Variants in MXD1 observed in about 807,000 individuals in gnomAD.
MXD1 encodes MAX-binding protein.
In MXD1, 9 loss-of-function variants were observed where a neutral mutation model predicts 25.7. That is an observed-to-expected ratio of 0.35 (90% confidence interval 0.21 to 0.61). MXD1 has a LOEUF of 0.61. Ranked by LOEUF, MXD1 falls within the 20% of genes least tolerant of loss-of-function variation. MXD1 has a pLI of 0.75. For synonymous variants in MXD1, 99 were observed against 113.9 expected, an observed-to-expected ratio of 0.87 and a Z score of 0.83; for missense variants, 227 against 292.4, an observed-to-expected ratio of 0.78 and a Z score of 1.63.
In MXD1 at chr2:69,938,958, T is replaced by G. The variant is rs1364163881; in HGVS notation, c.*674T>G. 7 of 152,638 alleles carry G rather than the reference T, an allele frequency of 4.6e-5. No individual in the cohort carries two copies. The highest frequency in any genetic ancestry group is 1.4e-4 in the African/African-American group (6 of 41,448). 9.5% of individuals were successfully genotyped at this position (152,638 alleles called of 1,614,324 possible). On this transcript the variant is annotated 3_prime_UTR_variant, in exon 6 of 6. Transcript: ENST00000264444. The stretch of plus-strand genomic sequence containing the variant: ...CATCAAAGTTCCAAATTGTTTGTTC[T>G]CACAAACAAAACGGTACAATCTATT...
chr2:69,938,585 CTT>C lies in MXD1; in HGVS notation c.*303_*304del. 1 of 282,366 alleles carries C rather than the reference CTT, an allele frequency of 3.5e-6. No individual in the cohort carries two copies. Among genetic ancestry groups the C allele is most frequent in the South Asian group, 4.6e-5 (1 of 21,680 alleles). The allele number at this position is 282,366 out of a possible 1,614,324, so 17.5% of individuals were successfully genotyped here. A position where few individuals can be genotyped will look rare whatever the true frequency, so the allele number is the denominator to read the frequency against. ...ATGTCCACATCTCAGCAATCCCCCT[CTT>C]TGCTCTCCTCGTGTCCTCTCCCAGA... On this transcript the variant is annotated 3_prime_UTR_variant, in exon 6 of 6. Transcript: ENST00000264444.
rs188548069 is a variant in MXD1, at chr2:69,916,040, A to C, written c.74-81A>C. 3.4e-4 allele frequency: 262 copies of C among 759,988 alleles called. No individual in the cohort carries two copies. The African/African-American group carries it at 3.5e-3, about 10-fold the overall frequency. The allele number at this position is 759,988 out of a possible 1,614,324, so 47.1% of individuals were successfully genotyped here. A position where few individuals can be genotyped will look rare whatever the true frequency, so the allele number is the denominator to read the frequency against. On this transcript the variant is annotated intron_variant, in intron 1 of 5. Transcript: ENST00000264444. ...ACAATATTCTTTTAAAGATAAATAA[A>C]GGAAAAAGGAAATACTGTAGAGAGG...
rs767244610 is a variant in MXD1, at chr2:69,916,175, C to A, written c.128C>A (p.Ala43Asp). The part of the protein sequence containing the change: ...MLPYNNKDRD[A>D]LKRRNKSKKN... The stretch of plus-strand genomic sequence containing the variant: ...CCATACAATAACAAGGACAGAGATG[C>A]CTTAAAACGGAGGAACAAATCCAAA... The change falls in exon 2 of 6, where the codon GCC becomes GAC. Residue 43 changes from alanine (A) to aspartate (D), a missense_variant. Ala to Asp is a moderately radical substitution (Grantham distance 126). Coordinates refer to ENST00000264444, the MANE Select transcript of MXD1 (RefSeq NM_002357.4). The A allele has an allele frequency of 1.9e-6, 3 of 1,613,022 alleles. No homozygotes were observed. Among genetic ancestry groups the A allele is most frequent in the Non-Finnish European group, 2.5e-6 (3 of 1,179,230 alleles).
intron 3 of MXD1, among the ~76,000 whole-genome samples, chr2:69,925,168 C>G (rs1677146382): frequency 6.6e-6 from 1 of 151,968 alleles, no homozygotes; most frequent in Non-Finnish European, 1.5e-5. Flanking sequence ...TGTCAGTCAG[C>G]ACATGGCCTG....
intron 3 of MXD1, among the ~76,000 whole-genome samples, chr2:69,925,440 GA>G (rs953784136): frequency 3.3e-5 from 5 of 152,110 alleles, no homozygotes; most frequent in African/African-American, 1.2e-4. Context: ...GTTTTGTGTA[GA>G]AAGTTAGAAA....
rs184062453 is a variant in MXD1, at chr2:69,938,455, T to A, written c.*171T>A. On this transcript the variant is annotated 3_prime_UTR_variant, in exon 6 of 6. Coordinates refer to ENST00000264444, the MANE Select transcript of MXD1 (RefSeq NM_002357.4). ...GGTGCTTAGGATTGTGGGTTTCTGA[T>A]TGCATCCACTAGCTTCTCTTTTTCT... The A allele has an allele frequency of 1.1e-5, 7 of 619,898 alleles. No homozygotes were observed. The highest frequency in any genetic ancestry group is 2.0e-5 in the Non-Finnish European group (7 of 358,470). 38.4% of individuals were successfully genotyped at this position (619,898 alleles called of 1,614,324 possible).
At chr2:69,938,068 A>C (rs774701412) in intron 5 of MXD1, 29 bp from the exon 6 acceptor site, 2 of 1,606,458 alleles carry the variant, frequency 1.2e-6, no homozygotes, top group Non-Finnish European at 8.5e-7. Context: ...CGCTTTCATC[A>C]ATGTCCTTCT....
chr2:69,938,000 G>A (rs1016944966), intron 5 of MXD1, 97 bp from the exon 6 acceptor site: 5 of 1,168,418 alleles, frequency 4.3e-6, no homozygotes, highest in Non-Finnish European at 6.1e-6. Flanking sequence ...ACCCGCCTTT[G>A]CCTCCCAAAG....
At chr2:69,918,178 T>A (rs1676995826) in intron 2 of MXD1, among the ~76,000 whole-genome samples, 1 of 152,242 alleles carries the variant, frequency 6.6e-6, no homozygotes, top group Admixed American at 6.5e-5. Context: ...AATTTTGAAC[T>A]GAGGTAAAGG....
rs1677574412 is a variant in MXD1 at position 69,940,643 on chromosome 2, C to G, written c.*2359C>G. 1 of 152,582 alleles carries G rather than the reference C, an allele frequency of 6.6e-6. No individual in the cohort carries two copies. The highest frequency in any genetic ancestry group is 1.5e-5 in the Non-Finnish European group (1 of 68,034). The allele number at this position is 152,582 out of a possible 1,614,324, so 9.5% of individuals were successfully genotyped here. On this transcript the variant is annotated 3_prime_UTR_variant, in exon 6 of 6. Transcript: ENST00000264444. ...CAATATAAAACAGTAATTATTTGACCTTTGCACTGTTTGTCTGGTCCTTTT... is the reference window on the plus strand; with the variant it reads ...CAATATAAAACAGTAATTATTTGACGTTTGCACTGTTTGTCTGGTCCTTTT...
intron 4 of MXD1, 134 bp downstream of exon 4, chr2:69,935,599 T>C (rs1677411874): frequency 1.5e-6 from 1 of 655,174 alleles, no homozygotes; most frequent in South Asian, 1.8e-5. Flanking sequence ...GTACCTCAAA[T>C]GCAACATATT....
chr2:69,933,959 A>T (rs1322199746), intron 3 of MXD1, among the ~76,000 whole-genome samples: 1 of 152,234 alleles, frequency 6.6e-6, no homozygotes. Context: ...CTAAAACCTG[A>T]AGACTCTGAG....
rs560122128 is a variant in MXD1, at chr2:69,933,217, A to C, written c.204-2134A>C. 4.5e-3 allele frequency among the ~76,000 whole-genome samples: 675 copies of C among 151,334 alleles called. 7 individuals carry two copies. The highest frequency in any genetic ancestry group is 0.013 in the South Asian group (64 of 4,796). The stretch of plus-strand genomic sequence containing the variant: ...CTCTGTCTCAAAAAAAAAAAAAAAA[A>C]AAAAAAACAAAAAAAGAAAATTAGT... On this transcript the variant is annotated intron_variant, in intron 3 of 5. Transcript: ENST00000264444.
Position 69,938,223 on chromosome 2 carries a change from C to G in MXD1, c.605C>G (p.Ser202Cys), listed in dbSNP as rs1457400201. The change falls in exon 6 of 6, where the codon TCC becomes TGC. Residue 202 changes from serine (S) to cysteine (C), a missense_variant. Ser to Cys is a moderately radical substitution (Grantham distance 112, BLOSUM62 -1). Coordinates refer to ENST00000264444, the MANE Select transcript of MXD1 (RefSeq NM_002357.4). ...MQSLGSDEGY[S>C]STSIKRIKLQ... Reference sequence around the variant, plus strand: ...AGCCTCGGCAGTGATGAGGGCTATTCCAGCACCAGCATCAAGAGAATAAAG... The same window carrying G: ...AGCCTCGGCAGTGATGAGGGCTATTGCAGCACCAGCATCAAGAGAATAAAG... The G allele has an allele frequency of 1.2e-6, 2 of 1,614,184 alleles. No homozygotes were observed. Among genetic ancestry groups the G allele is most frequent in the Non-Finnish European group, 1.7e-6 (2 of 1,180,032 alleles).
At chr2:69,936,565 T>A (rs556877609) in intron 4 of MXD1, among the ~76,000 whole-genome samples, 1 of 152,246 alleles carries the variant, frequency 6.6e-6, no homozygotes, top group Non-Finnish European at 1.5e-5. Context: ...ATGACAATTC[T>A]GGGAGAAAAC....
At position 69,942,578 on chromosome 2, in the gene MXD1, G is replaced by A. The variant is rs1340387879; in HGVS notation, c.*4294G>A. 1 of 152,186 alleles carries A rather than the reference G, an allele frequency of 6.6e-6. No homozygotes were observed. Among genetic ancestry groups the A allele is most frequent in the Non-Finnish European group, 1.5e-5 (1 of 68,034 alleles). The allele number at this position is 152,186 out of a possible 1,614,324, so 9.4% of individuals were successfully genotyped here. On this transcript the variant is annotated 3_prime_UTR_variant, in exon 6 of 6. Coordinates refer to ENST00000264444, the MANE Select transcript of MXD1 (RefSeq NM_002357.4). ...TCTTCTCTCTGTGGGGTGGCAAGTT[G>A]AGGGAGCATTCTTCATTTTAGCTTT... is the stretch of plus-strand genomic sequence containing the variant.
At position 69,916,674 on chromosome 2, in the gene MXD1, C is replaced by T. The variant is rs147650458; in HGVS notation, c.173+454C>T. 3.3e-3 allele frequency among the ~76,000 whole-genome samples: 508 copies of T among 152,276 alleles called. 12 individuals carry two copies. In the South Asian group the frequency reaches 0.072, roughly 22 times the overall value. On this transcript the variant is annotated intron_variant, in intron 2 of 5. Coordinates refer to ENST00000264444, the MANE Select transcript of MXD1 (RefSeq NM_002357.4). ...TTGGCATAAGTGATAGGATCTCATA[C>T]TTGACATGTAAATTAAATACAGTGG...
At chr2:69,920,933 A>G (rs1241051046) in intron 2 of MXD1, among the ~76,000 whole-genome samples, 1 of 152,194 alleles carries the variant, frequency 6.6e-6, no homozygotes, top group East Asian at 1.9e-4. Context: ...ATGGTTTCAT[A>G]TCCATCACAC....
intron 2 of MXD1, among the ~76,000 whole-genome samples, chr2:69,918,701 G>A (rs6546559): frequency 0.53 from 80,704 of 151,952 alleles, 23,307 homozygotes; most frequent in African/African-American, 0.77. Context: ...TCTCAGATAC[G>A]CCGTAATTTG....
Sources: gnomAD v4.1 joint callset for allele counts (sites outside exome capture counted in the v4.1 genomes callset) on GRCh38, gnomAD v4.1.1 for gene constraint, MANE v1.5 for transcripts, NCBI Gene and HGNC (gene_info 2026-07-23, HGNC 2026-07-21) for gene names.